The following MYO7B variants were observed in gnomAD, a reference collection of about 807,000 sequenced individuals.
MYO7B encodes the protein unconventional myosin-VIIb.
A neutral mutation model predicts 259.7 loss-of-function variants in MYO7B; 212 were observed. That is an observed-to-expected ratio of 0.82 (90% confidence interval 0.73 to 0.91). The LOEUF is 0.91. MYO7B is among the 40% of genes least tolerant of loss of function. MYO7B has a pLI of 0.00. For missense variants in MYO7B, 2,732 were observed against 2,813.5 expected, an observed-to-expected ratio of 0.97 and a Z score of 0.66; for synonymous variants, 1,197 against 1,166.4, an observed-to-expected ratio of 1.03 and a Z score of -0.54.
rs1459971690 is a variant in MYO7B at position 127,546,263 on chromosome 2, T to G, written c.-24+10432T>G. Among the ~76,000 whole-genome samples, 2 of 152,188 alleles carry G rather than the reference T, an allele frequency of 1.3e-5. No individual in the cohort carries two copies. The highest frequency in any genetic ancestry group is 3.9e-4 in the East Asian group (2 of 5,194). ...CTTCTTGGACCCCTGGTTCCTGATC[T>G]GTGAAGTGGGATGTCTCCATGGACA... is the stretch of plus-strand genomic sequence containing the variant. On this transcript the variant is annotated intron_variant, in intron 1 of 47. Coordinates refer to ENST00000409816, the MANE Select transcript of MYO7B (RefSeq NM_001393586.1). The surrounding 1 kb of genome is among the most constrained non-coding windows in gnomAD (Gnocchi z 4.2).
chr2:127,589,661 G>T (rs1313668960), intron 15 of MYO7B, among the ~76,000 whole-genome samples: 1 of 134,508 alleles, frequency 7.4e-6, no homozygotes, highest in African/African-American at 2.8e-5. Context: ...TGGGTGAATG[G>T]GTGGGTGGAT....
intron 30 of MYO7B, among the ~76,000 whole-genome samples, chr2:127,625,152 G>A (rs973800262): frequency 2.6e-5 from 4 of 152,242 alleles, no homozygotes; most frequent in Admixed American, 1.3e-4. Context: ...TTGTCCTCAG[G>A]CAGAGGGCCT....
rs965466783 is a variant in MYO7B, at chr2:127,597,213, C to T, written c.2339+657C>T. ...TGCTGCTGATCTCAGGACAACAGGCCGCATCTGACCAAACAGGCCCACGTG... is the reference window on the plus strand; with the variant it reads ...TGCTGCTGATCTCAGGACAACAGGCTGCATCTGACCAAACAGGCCCACGTG... On this transcript the variant is annotated intron_variant, in intron 19 of 47. Transcript: ENST00000409816. The surrounding 1 kb of genome is among the most constrained non-coding windows in gnomAD (Gnocchi z 4.8). 1.2e-4 allele frequency among the ~76,000 whole-genome samples: 18 copies of T among 152,368 alleles called. No individual in the cohort carries two copies. The South Asian group carries it at 2.7e-3, about 23-fold the overall frequency.
In MYO7B at chr2:127,566,431, C is replaced by T. The variant is rs143434199; in HGVS notation, c.286-212C>T. 2.6e-5 allele frequency among the ~76,000 whole-genome samples: 4 copies of T among 152,370 alleles called. No homozygotes were observed. In the East Asian group the frequency reaches 7.7e-4, roughly 29 times the overall value. On this transcript the variant is annotated intron_variant, in intron 4 of 47. Transcript: ENST00000409816. ...CCTGGAAATATGTTCCCTGGGAGCT[C>T]ACCTTCCTGGTGGATATCCCATCTT...
chr2:127,618,577 A>C (rs1680682961), intron 26 of MYO7B, among the ~76,000 whole-genome samples: 1 of 152,200 alleles, frequency 6.6e-6, no homozygotes. Flanking sequence ...CAGTTTGCCA[A>C]CATTCTGCTT....
intron 1 of MYO7B, among the ~76,000 whole-genome samples, chr2:127,549,614 C>T (rs1693371330): frequency 6.6e-6 from 1 of 152,108 alleles, no homozygotes; most frequent in African/African-American, 2.4e-5. Flanking sequence ...AATGCAGGGG[C>T]AGAAGCAGGT....
Position 127,576,739 on chromosome 2 carries a change from C to A in MYO7B, c.849+31C>A. On this transcript the variant is annotated intron_variant, in intron 8 of 47. Coordinates refer to ENST00000409816, the MANE Select transcript of MYO7B (RefSeq NM_001393586.1). This position sits in a 1 kb window ranked among gnomAD's most constrained non-coding sequence, Gnocchi z 4.9. Reference sequence around the variant, plus strand: ...CTGCCCACCTGCCGCCTCCCAGTAGCCAGTGGAAGGGAGGAAAAAGAGCTT... The same window carrying A: ...CTGCCCACCTGCCGCCTCCCAGTAGACAGTGGAAGGGAGGAAAAAGAGCTT... 6.9e-7 allele frequency: 1 copy of A among 1,459,018 alleles called. No individual in the cohort carries two copies. The highest frequency in any genetic ancestry group is 2.3e-5 in the East Asian group (1 of 43,562). The allele number at this position is 1,459,018 out of a possible 1,614,324, so 90.4% of individuals were successfully genotyped here.
rs369143473 is a variant in MYO7B at position 127,608,913 on chromosome 2, G to A, written c.2814+35G>A. ...GCCTGGTGTCCACAATCCGCCCCGGGTGGGGACAGGGAAGCCTGCCCAGTC... is the reference window on the plus strand; with the variant it reads ...GCCTGGTGTCCACAATCCGCCCCGGATGGGGACAGGGAAGCCTGCCCAGTC... On this transcript the variant is annotated intron_variant, in intron 22 of 47. Coordinates refer to ENST00000409816, the MANE Select transcript of MYO7B (RefSeq NM_001393586.1). 3.0e-5 allele frequency: 48 copies of A among 1,591,398 alleles called. 1 individual carries two copies. The highest frequency in any genetic ancestry group is 3.9e-5 in the Non-Finnish European group (46 of 1,167,358).
chr2:127,629,059 C>G (rs983762005), intron 34 of MYO7B, among the ~76,000 whole-genome samples: 1 of 152,142 alleles, frequency 6.6e-6, no homozygotes, highest in Admixed American at 6.5e-5. Context: ...AGCCCCAGGA[C>G]CCCCGCTGGG....
At chr2:127,604,509 C>CCTTTAATT (rs1376819122) in intron 19 of MYO7B, among the ~76,000 whole-genome samples, 3 of 151,866 alleles carry the variant, frequency 2.0e-5, no homozygotes, top group African/African-American at 7.2e-5. Context: ...TGGAGTAGCA[C>CCTTTAATT]CTTTAATTTC....
chr2:127,610,491 C>A (rs540518250), intron 24 of MYO7B, among the ~76,000 whole-genome samples: 1 of 152,354 alleles, frequency 6.6e-6, no homozygotes, highest in South Asian at 2.1e-4. Flanking sequence ...GGGACCTGGG[C>A]TTTGAATCCA....
chr2:127,552,614 T>C (rs1693488501), intron 1 of MYO7B, among the ~76,000 whole-genome samples: 1 of 152,050 alleles, frequency 6.6e-6, no homozygotes, highest in South Asian at 2.1e-4. Flanking sequence ...GGGTCTCCTG[T>C]GAGGCAGATC....
chr2:127,545,200 C>T (rs1451176454), intron 1 of MYO7B, among the ~76,000 whole-genome samples: 1 of 152,206 alleles, frequency 6.6e-6, no homozygotes, highest in South Asian at 2.1e-4. Context: ...AGTATATTTG[C>T]AGGGTATGTT....
intron 39 of MYO7B, 37 bp from the exon 40 acceptor site, chr2:127,633,221 T>TG (rs747393686): frequency 1.2e-4 from 185 of 1,508,510 alleles, no homozygotes; most frequent in Non-Finnish European, 1.7e-4. Flanking sequence ...AGGATGAGGG[T>TG]GGGGGTGGCA....
In MYO7B at chr2:127,634,182, G is replaced by A; in HGVS notation, c.5518G>A (p.Glu1840Lys). ...YFPNDTSEML[E>K]VVANTRVRDV... ...CAGCTGCCTCTCTGTCCAGATGCTG[G>A]AGGTGGTTGCCAACACACGGGTGCG... The change falls in exon 41 of 48, where the codon GAG becomes AAG. Residue 1840 changes from glutamate (E) to lysine (K), a missense_variant. By Grantham distance (56) the Glu-to-Lys change is moderately conservative. Around this residue, in one of 3 missense-constraint regions of MYO7B, gnomAD observed 821 missense variants for 769.3 expected, o/e 1.07. Transcript: ENST00000409816. 1 of 1,602,588 alleles carries A rather than the reference G, an allele frequency of 6.2e-7. No individual in the cohort carries two copies.
rs1410435357 is a variant in MYO7B, at chr2:127,624,109, G to A, written c.3836G>A (p.Ser1279Asn). ...TGGCCTCAGTTCTGGTCCCTGGGCA[G>A]CGGGCGCGACCACATGATGGATGCC... is the stretch of plus-strand genomic sequence containing the variant. Reference protein sequence around the residue: ...AVYDKFWSLGSGRDHMMDAIA... With the variant: ...AVYDKFWSLGNGRDHMMDAIA... Residue 1279 changes from serine to asparagine, a missense_variant, in exon 30 of 48, where the codon AGC becomes AAC. Physicochemically the swap from Ser to Asn is conservative, Grantham distance 46 (BLOSUM62 1). This residue lies in a region of MYO7B where 1,906 missense variants were observed against 2,026.4 expected (regional missense o/e 0.94). Transcript: ENST00000409816. The A allele has an allele frequency of 6.4e-7, 1 of 1,573,198 alleles. No homozygotes were observed. Among genetic ancestry groups the A allele is most frequent in the Non-Finnish European group, 8.6e-7 (1 of 1,160,266 alleles).
intron 18 of MYO7B, 43 bp downstream of exon 18, chr2:127,593,687 A>G: frequency 6.4e-7 from 1 of 1,574,358 alleles, no homozygotes; most frequent in Non-Finnish European, 8.7e-7. Flanking sequence ...CTCCTGCAGC[A>G]TGTGGGCTTG....
Position 127,592,647 on chromosome 2 carries a change from C to T in MYO7B, c.1993-147C>T, listed in dbSNP as rs1679601025. The T allele has an allele frequency of 9.3e-6, 9 of 970,718 alleles. No homozygotes were observed. In the Admixed American group the frequency reaches 1.1e-4, roughly 12 times the overall value. The allele number at this position is 970,718 out of a possible 1,614,324, so 60.1% of individuals were successfully genotyped here. A position where few individuals can be genotyped will look rare whatever the true frequency, so the allele number is the denominator to read the frequency against. ...AGTCGCATTTGTTTAGTTCTTCCAT[C>T]TCTGGAGGACAGTGGGGGTGGGCGG... On this transcript the variant is annotated intron_variant, in intron 16 of 47. Coordinates refer to ENST00000409816, the MANE Select transcript of MYO7B (RefSeq NM_001393586.1).
intron 3 of MYO7B, 25 bp downstream of exon 3, chr2:127,564,291 GGCCCT>G: frequency 6.6e-7 from 1 of 1,523,674 alleles, no homozygotes; most frequent in East Asian, 2.5e-5. Context: ...GTTTCCTCTG[GGCCCT>G]GCCCTGCCCT....
Sources: gnomAD v4.1 joint callset for allele counts (sites outside exome capture counted in the v4.1 genomes callset) on GRCh38, gnomAD v4.1.1 for gene constraint, gnomAD v4.1.1 regional missense constraint, Gnocchi (gnomAD v3.1) non-coding constraint, MANE v1.5 for transcripts, NCBI Gene and HGNC (gene_info 2026-07-23, HGNC 2026-07-21) for gene names.